ATP8B4: variants seen among roughly 807,000 people sequenced by gnomAD.
ATP8B4 encodes the protein probable phospholipid-transporting ATPase IM.
Under a neutral mutation model 145.6 loss-of-function variants are expected in ATP8B4, and 133 were observed. The ratio of observed to expected loss-of-function variants is 0.91; its 90% CI spans 0.79 to 1.05. The LOEUF (loss-of-function observed/expected upper bound fraction) is 1.05, where lower values mean the gene tolerates loss of function less well. ATP8B4 is among the 50% of genes least tolerant of loss of function. The probability of loss-of-function intolerance (pLI) is 0.00; values close to 1 mark genes in which losing one functional copy is unlikely to be tolerated. For synonymous variants in ATP8B4, 507 were observed against 492.9 expected (o/e 1.03, Z -0.38); for missense variants, 1,458 against 1,425.2 (o/e 1.02, Z -0.37).
intron 7 of ATP8B4, among the ~76,000 whole-genome samples, chr15:50,008,020 C>G (rs1230335696): frequency 2.0e-5 from 3 of 152,106 alleles, no homozygotes; most frequent in Non-Finnish European, 2.9e-5. Context: ...TTTGATAAAG[C>G]TGTTATTACT....
intron 13 of ATP8B4, among the ~76,000 whole-genome samples, chr15:49,963,291 G>A (rs1365659076): frequency 6.6e-6 from 1 of 152,212 alleles, no homozygotes; most frequent in Non-Finnish European, 1.5e-5. Flanking sequence ...CAAGGTTGTG[G>A]AGAGAAAGAA....
intron 5 of ATP8B4, among the ~76,000 whole-genome samples, chr15:50,042,167 A>C (rs1235619012): frequency 1.3e-5 from 2 of 151,942 alleles, no homozygotes; most frequent in Admixed American, 6.6e-5. Context: ...AAAAAAAAAA[A>C]AAAACTAACT....
intron 12 of ATP8B4, 133 bp from the exon 13 acceptor site, chr15:49,972,923 T>A: frequency 6.6e-6 from 5 of 762,626 alleles, no homozygotes; most frequent in Non-Finnish European, 1.0e-5. Flanking sequence ...TGTCCCTAGG[T>A]CCCAGGGATC....
intron 14 of ATP8B4, among the ~76,000 whole-genome samples, chr15:49,949,235 T>C (rs972990450): frequency 6.6e-6 from 1 of 152,224 alleles, no homozygotes; most frequent in Non-Finnish European, 1.5e-5. Flanking sequence ...GGGAATAGCA[T>C]TGAATCTATA....
chr15:50,156,089 T>A (rs189652571), intron 1 of ATP8B4, among the ~76,000 whole-genome samples: 2 of 20,540 alleles, frequency 9.7e-5, no homozygotes. Context: ...TATATATATA[T>A]ATAAATATAT....
intron 20 of ATP8B4, among the ~76,000 whole-genome samples, chr15:49,910,051 G>A (rs1247080970): frequency 1.3e-5 from 2 of 151,930 alleles, no homozygotes; most frequent in African/African-American, 4.8e-5. Context: ...TGATATTAAG[G>A]AAGTTTAGTG....
chr15:50,034,144 T>A (rs1223065192), intron 6 of ATP8B4, among the ~76,000 whole-genome samples: 1 of 152,172 alleles, frequency 6.6e-6, no homozygotes, highest in East Asian at 1.9e-4. Context: ...TCCACACTGC[T>A]TTCCACAGTG....
intron 2 of ATP8B4, among the ~76,000 whole-genome samples, chr15:50,099,410 G>T (rs115115153): frequency 6.6e-6 from 1 of 152,050 alleles, no homozygotes; most frequent in Non-Finnish European, 1.5e-5. Flanking sequence ...CCCCCAAGGA[G>T]CTGGAACTAC....
intron 11 of ATP8B4, among the ~76,000 whole-genome samples, chr15:49,980,314 C>T (rs1324549056): frequency 6.6e-6 from 1 of 152,126 alleles, no homozygotes; most frequent in Non-Finnish European, 1.5e-5. Flanking sequence ...ACATATTGAG[C>T]TCAGATTCTT....
chr15:50,102,786 C>A (rs567799271), intron 2 of ATP8B4, among the ~76,000 whole-genome samples: 114 of 140,486 alleles, frequency 8.1e-4, no homozygotes, highest in Middle Eastern at 3.8e-3. Flanking sequence ...ATGGACATAA[C>A]AAAAAAAAAA....
intron 20 of ATP8B4, among the ~76,000 whole-genome samples, chr15:49,909,312 C>T (rs1426671759): frequency 6.6e-6 from 1 of 152,214 alleles, no homozygotes; most frequent in Non-Finnish European, 1.5e-5. Flanking sequence ...CCCACCTGCA[C>T]TTACCACCCG....
chr15:50,153,567 G>T (rs2044374484), intron 1 of ATP8B4, among the ~76,000 whole-genome samples: 1 of 152,114 alleles, frequency 6.6e-6, no homozygotes. Context: ...TCGATCTCCT[G>T]ACCTCGTGAT....
intron 1 of ATP8B4, among the ~76,000 whole-genome samples, chr15:50,128,484 G>T (rs1243265251): frequency 1.3e-5 from 2 of 152,210 alleles, no homozygotes; most frequent in African/African-American, 4.8e-5. Flanking sequence ...GACAAGATCT[G>T]CTTGTGCAAA....
intron 6 of ATP8B4, among the ~76,000 whole-genome samples, chr15:50,023,346 G>A (rs920280309): frequency 1.3e-5 from 2 of 152,052 alleles, no homozygotes; most frequent in African/African-American, 4.8e-5. Flanking sequence ...CCATAATTAG[G>A]TACATTTGGG....
chr15:49,891,753 T>G (rs1012883066), intron 23 of ATP8B4, among the ~76,000 whole-genome samples: 2 of 152,208 alleles, frequency 1.3e-5, no homozygotes, highest in Admixed American at 1.3e-4. Context: ...AGCAAGCAAG[T>G]CTTTCTATTA....
intron 6 of ATP8B4, among the ~76,000 whole-genome samples, chr15:50,022,143 T>C (rs1379194476): frequency 9.3e-6 from 1 of 107,468 alleles, no homozygotes; most frequent in East Asian, 3.6e-4. Context: ...TTTGCATATA[T>C]GTATATTTGC....
intron 3 of ATP8B4, among the ~76,000 whole-genome samples, chr15:50,072,926 CTCTCTCT>C (rs2053851617): frequency 2.6e-3 from 25 of 9,556 alleles, no homozygotes; most frequent in African/African-American, 9.0e-3. Flanking sequence ...CCCGGCCTCT[CTCTCTCT>C]CTCTCTCTCT....
At chr15:49,879,719 A>G in intron 23 of ATP8B4, 1 of 348,904 alleles carries the variant, frequency 2.9e-6, no homozygotes, top group Middle Eastern at 7.8e-4. Context: ...AAAATAATAC[A>G]TGCAGCAGTA....
intron 1 of ATP8B4, among the ~76,000 whole-genome samples, chr15:50,142,689 G>C (rs1225557788): frequency 6.6e-6 from 1 of 152,172 alleles, no homozygotes; most frequent in South Asian, 2.1e-4. Context: ...CTGATGTCCA[G>C]GGAATCTTAG....
Sources: gnomAD v4.1 joint callset for allele counts (sites outside exome capture counted in the v4.1 genomes callset) on GRCh38, gnomAD v4.1.1 for gene constraint, MANE v1.5 for transcripts, NCBI Gene and HGNC (gene_info 2026-07-23, HGNC 2026-07-21) for gene names.